Variants in MTHFD1L observed in about 807,000 individuals in gnomAD.
The protein encoded by MTHFD1L is methylenetetrahydrofolate dehydrogenase (NADP+ dependent) 1 like, also known as monofunctional C1-tetrahydrofolate synthase, mitochondrial.
Under a neutral mutation model 119.5 loss-of-function variants are expected in MTHFD1L, and 81 were observed. That is an observed-to-expected ratio of 0.68 (90% confidence interval 0.57 to 0.82). MTHFD1L has a LOEUF of 0.82. Ranked by LOEUF, MTHFD1L falls within the 40% of genes least tolerant of loss-of-function variation. The probability of loss-of-function intolerance (pLI) is 0.00; values close to 1 mark genes in which losing one functional copy is unlikely to be tolerated. For synonymous variants in MTHFD1L, 430 were observed against 475.2 expected, an observed-to-expected ratio of 0.90 and a Z score of 1.24; for missense variants, 1,125 against 1,253.4, an observed-to-expected ratio of 0.90 and a Z score of 1.55.
intron 9 of MTHFD1L, among the ~76,000 whole-genome samples, chr6:150,919,316 T>G (rs1234784059): frequency 6.6e-6 from 1 of 151,814 alleles, no homozygotes; most frequent in Non-Finnish European, 1.5e-5. Context: ...CTCCACCTCC[T>G]GGGTTTAAGA....
intron 26 of MTHFD1L, among the ~76,000 whole-genome samples, chr6:151,061,899 G>C (rs1790691720): frequency 1.3e-5 from 2 of 152,168 alleles, no homozygotes; most frequent in Non-Finnish European, 2.9e-5. Context: ...ATACCAGACT[G>C]CCTCACAAAA....
rs370779658 is a variant in MTHFD1L, at chr6:151,045,688, G to A, written c.2847+8571G>A. Among the ~76,000 whole-genome samples the A allele has an allele frequency of 1.6e-4, 24 of 152,224 alleles. 1 individual carries two copies. Among genetic ancestry groups the A allele is most frequent in the East Asian group, 1.4e-3 (7 of 5,170 alleles). ...TTGTCTCCCATCCTGGGATCCTGGT[G>A]GTTTCCTCCTCCCCTCCCAGCATGA... On this transcript the variant is annotated intron_variant, in intron 26 of 27. Transcript: ENST00000367321.
chr6:151,029,905 G>GA (rs959277057), intron 24 of MTHFD1L, among the ~76,000 whole-genome samples: 2 of 152,134 alleles, frequency 1.3e-5, no homozygotes, highest in African/African-American at 4.8e-5. Flanking sequence ...ATTATTAACA[G>GA]AAAAATCACA....
intron 26 of MTHFD1L, among the ~76,000 whole-genome samples, chr6:151,045,751 G>T (rs1332811684): frequency 6.6e-6 from 1 of 152,116 alleles, no homozygotes; most frequent in Non-Finnish European, 1.5e-5. Context: ...CTCTACATCA[G>T]AATTTCCTGC....
chr6:151,060,583 G>A (rs1353903404), intron 26 of MTHFD1L, among the ~76,000 whole-genome samples: 1 of 152,204 alleles, frequency 6.6e-6, no homozygotes, highest in African/African-American at 2.4e-5. Flanking sequence ...CCAGGAATGG[G>A]GTTACCTAAG....
rs550747294 is a variant in MTHFD1L at position 150,873,256 on chromosome 6, AG to A, written c.228-2833del. Among the ~76,000 whole-genome samples the A allele has an allele frequency of 2.2e-3, 338 of 152,232 alleles. 3 individuals carry two copies. The highest frequency in any genetic ancestry group is 7.2e-3 in the African/African-American group (299 of 41,550). On this transcript the variant is annotated intron_variant, in intron 1 of 27. Transcript: ENST00000367321. ...CTTGAACCTGGGAGATGGAGGTTGC[AG>A]TGAGCCGAGATCGTGCCACTGCCCT...
chr6:150,901,322 A>G (rs978465574), intron 7 of MTHFD1L, among the ~76,000 whole-genome samples: 3 of 152,158 alleles, frequency 2.0e-5, no homozygotes, highest in Admixed American at 6.5e-5. Flanking sequence ...TATTTAAAAA[A>G]CAAAATGAAC....
At chr6:151,084,783 C>T (rs1380177466) in intron 26 of MTHFD1L, among the ~76,000 whole-genome samples, 3 of 151,152 alleles carry the variant, frequency 2.0e-5, no homozygotes, top group East Asian at 3.9e-4. Flanking sequence ...GGCTAACACA[C>T]GGTGAAACCC....
intron 19 of MTHFD1L, among the ~76,000 whole-genome samples, chr6:150,966,244 G>A (rs1339222984): frequency 2.0e-5 from 3 of 152,230 alleles, no homozygotes; most frequent in Middle Eastern, 3.4e-3. Flanking sequence ...AAGCATGGCT[G>A]GGGAGGCCTC....
At chr6:151,026,573 G>GTAGA (rs1784628825) in intron 24 of MTHFD1L, among the ~76,000 whole-genome samples, 1 of 152,152 alleles carries the variant, frequency 6.6e-6, no homozygotes, top group Admixed American at 6.5e-5. Flanking sequence ...AGGAATTAGT[G>GTAGA]TAGAGTATGA....
intron 17 of MTHFD1L, among the ~76,000 whole-genome samples, chr6:150,958,229 T>G (rs1738581): frequency 0.28 from 43,022 of 151,950 alleles, 6,403 homozygotes; most frequent in East Asian, 0.49. Flanking sequence ...AAGACTGTAG[T>G]GAAGACATCT....
intron 26 of MTHFD1L, among the ~76,000 whole-genome samples, chr6:151,041,061 G>T (rs376073539): frequency 6.6e-6 from 1 of 152,186 alleles, no homozygotes; most frequent in Admixed American, 6.5e-5. Flanking sequence ...ACACGGGGTC[G>T]CAGTGAGCGT....
intron 27 of MTHFD1L, 111 bp downstream of exon 27, chr6:151,092,698 T>C: frequency 1.6e-6 from 1 of 641,476 alleles, no homozygotes; most frequent in East Asian, 2.8e-5. Context: ...AATCCTTTCC[T>C]TCCTTTGTTA....
intron 20 of MTHFD1L, among the ~76,000 whole-genome samples, chr6:150,997,790 A>G (rs1780007562): frequency 6.6e-6 from 1 of 152,208 alleles, no homozygotes; most frequent in Admixed American, 6.5e-5. Context: ...AACAAAAAAA[A>G]TACATACACT....
At chr6:150,938,636 TG>T (rs1306257771) in intron 12 of MTHFD1L, 62 bp from the exon 13 acceptor site, 1 of 1,559,642 alleles carries the variant, frequency 6.4e-7, no homozygotes, top group Non-Finnish European at 8.7e-7. Flanking sequence ...TCCCTTGGCC[TG>T]TGTCCATCGT....
At position 150,926,628 on chromosome 6, in the gene MTHFD1L, G is replaced by A. The variant is rs938471981; in HGVS notation, c.1256+333G>A. Among the ~76,000 whole-genome samples the A allele has an allele frequency of 1.3e-5, 2 of 152,118 alleles. No individual in the cohort carries two copies. The highest frequency in any genetic ancestry group is 2.4e-5 in the African/African-American group (1 of 41,416). ...ATAGGAATTGAAAGTAAACTATTTT[G>A]AACTGAGCAGTTTGTTTTGTGCGTT... On this transcript the variant is annotated intron_variant, in intron 11 of 27. Transcript: ENST00000367321. The surrounding 1 kb of genome is among the most constrained non-coding windows in gnomAD (Gnocchi z 4.3).
intron 26 of MTHFD1L, among the ~76,000 whole-genome samples, chr6:151,061,230 G>A (rs996767526): frequency 1.3e-5 from 2 of 152,166 alleles, no homozygotes; most frequent in Non-Finnish European, 2.9e-5. Flanking sequence ...GAAACAGCAC[G>A]TGGGGTCAAG....
At chr6:150,935,546 C>T in intron 11 of MTHFD1L, 1 of 1,525,204 alleles carries the variant, frequency 6.6e-7, no homozygotes, top group Non-Finnish European at 8.9e-7. Context: ...AATTTTGCGG[C>T]AACAGAAAAA....
intron 19 of MTHFD1L, among the ~76,000 whole-genome samples, chr6:150,965,946 G>C (rs1797149684): frequency 6.6e-6 from 1 of 152,204 alleles, no homozygotes; most frequent in African/African-American, 2.4e-5. Context: ...GTGATGTGGG[G>C]TATGTGTGTC....
Sources: gnomAD v4.1 joint callset for allele counts (sites outside exome capture counted in the v4.1 genomes callset) on GRCh38, gnomAD v4.1.1 for gene constraint, Gnocchi (gnomAD v3.1) non-coding constraint, MANE v1.5 for transcripts, NCBI Gene and HGNC (gene_info 2026-07-23, HGNC 2026-07-21) for gene names.